Variants in ABCB5 observed in about 807,000 individuals in gnomAD.
ABCB5 encodes the protein ATP-binding cassette sub-family B member 5.
ABCB5 carries 155 observed loss-of-function variants against 144.2 expected under a neutral mutation model. That is an observed-to-expected ratio of 1.08 (90% CI 0.94 to 1.23). The LOEUF (loss-of-function observed/expected upper bound fraction) is 1.23, where lower values mean the gene tolerates loss of function less well. Ranked by LOEUF, ABCB5 falls within the 50% of genes most tolerant of loss-of-function variation. ABCB5 has a pLI of 0.00. For missense variants in ABCB5, 1,830 were observed against 1,520.8 expected, an observed-to-expected ratio of 1.20 and a Z score of -3.38; for synonymous variants, 610 against 528.6, an observed-to-expected ratio of 1.15 and a Z score of -2.11.
At chr7:20,752,843 C>A (rs1377848892) in intron 26 of ABCB5, among the ~76,000 whole-genome samples, 1 of 151,990 alleles carries the variant, frequency 6.6e-6, no homozygotes, top group Non-Finnish European at 1.5e-5. Flanking sequence ...GAGACACGGT[C>A]TCAAAAAAAC....
rs1434999011 is a variant in ABCB5, at chr7:20,643,295, G to GT, written c.432dup (p.His145SerfsTer12). 3 of 1,613,836 alleles carry GT rather than the reference G, an allele frequency of 1.9e-6. No individual in the cohort carries two copies. In the African/African-American group the frequency reaches 4.0e-5, roughly 22 times the overall value. ...GACAGACCAAGAGGATTCGAAAACA[G>GT]TTTTTTCATTCAGTTTTGGCACAGG... On this transcript the variant is annotated frameshift_variant, in exon 6 of 28. Transcript: ENST00000404938. LOFTEE classifies it high-confidence loss of function.
At chr7:20,703,846 G>C (rs12700231) in intron 19 of ABCB5, among the ~76,000 whole-genome samples, 133,301 of 152,092 alleles carry the variant, frequency 0.88, 58,532 homozygotes, top group African/African-American at 0.92. Context: ...TAATTTTGAC[G>C]TGACTCCTTC....
At chr7:20,742,087 G>A (rs1037036653) in intron 24 of ABCB5, among the ~76,000 whole-genome samples, 4 of 152,168 alleles carry the variant, frequency 2.6e-5, no homozygotes, top group Non-Finnish European at 5.9e-5. Context: ...TGAAAATAAA[G>A]ATAGGGCTGG....
At chr7:20,725,124 C>T (rs1323900166) in intron 21 of ABCB5, among the ~76,000 whole-genome samples, 3 of 152,162 alleles carry the variant, frequency 2.0e-5, no homozygotes, top group Non-Finnish European at 4.4e-5. Flanking sequence ...TCAGACTATA[C>T]AACAAACAAC....
chr7:20,747,414 T>C (rs961465105), intron 26 of ABCB5, among the ~76,000 whole-genome samples: 1 of 152,176 alleles, frequency 6.6e-6, no homozygotes, highest in Non-Finnish European at 1.5e-5. Context: ...CATGCCACCA[T>C]GCCTGGCTAA....
At chr7:20,707,054 G>T (rs1786849256) in intron 20 of ABCB5, among the ~76,000 whole-genome samples, 1 of 152,104 alleles carries the variant, frequency 6.6e-6, no homozygotes, top group African/African-American at 2.4e-5. Flanking sequence ...TCCTCACAAG[G>T]ACACTGTAGC....
At chr7:20,642,320 G>T (rs1031710206) in intron 5 of ABCB5, among the ~76,000 whole-genome samples, 54 of 152,172 alleles carry the variant, frequency 3.5e-4, no homozygotes, top group African/African-American at 1.2e-3. Context: ...TCTCCTGGGA[G>T]AAATATTTTT....
chr7:20,732,501 G>A (rs1186170558), intron 23 of ABCB5, among the ~76,000 whole-genome samples: 2 of 152,158 alleles, frequency 1.3e-5, no homozygotes, highest in Non-Finnish European at 2.9e-5. Context: ...GCACATAACA[G>A]ACACACAATA....
In ABCB5 at chr7:20,643,560, G is replaced by C. The variant is rs757604214; in HGVS notation, c.606G>C (p.Lys202Asn). Residue 202 changes from lysine to asparagine, a missense_variant, in exon 7 of 28, where the codon AAG becomes AAC. Transcript: ENST00000404938. ...FSIGLAVGLV[K>N]GWKLTLVTLS... ...TTGGCCTGGCAGTTGGTTTGGTGAA[G>C]GGCTGGAAACTCACCCTAGTGACTC... The C allele has an allele frequency of 9.3e-6, 15 of 1,613,854 alleles. No individual in the cohort carries two copies. Among genetic ancestry groups the C allele is most frequent in the Non-Finnish European group, 1.7e-6 (2 of 1,179,896 alleles).
intron 4 of ABCB5, among the ~76,000 whole-genome samples, chr7:20,631,364 T>C (rs539355045): frequency 1.1e-4 from 17 of 152,254 alleles, no homozygotes; most frequent in African/African-American, 2.9e-4. Flanking sequence ...CATTGTAATA[T>C]GTGATGATGT....
intron 14 of ABCB5, among the ~76,000 whole-genome samples, chr7:20,662,207 G>C (rs1330961689): frequency 6.6e-6 from 1 of 151,314 alleles, no homozygotes; most frequent in Non-Finnish European, 1.5e-5. Context: ...TAATTATGAA[G>C]GAAGAGTTAT....
Position 20,628,713 on chromosome 7 carries a change from T to A in ABCB5, c.134T>A (p.Ile45Asn), listed in dbSNP as rs371078128. 253 of 1,613,306 alleles carry A rather than the reference T, an allele frequency of 1.6e-4. No homozygotes were observed. The highest frequency in any genetic ancestry group is 3.8e-4 in the Admixed American group (23 of 59,870). Residue 45 changes from isoleucine (I) to asparagine (N), a missense_variant, in exon 4 of 28, where the codon ATC becomes AAC. Ile to Asn is a moderately radical substitution (Grantham distance 149). Transcript: ENST00000404938. ...EIFRFADGLD[I>N]TLMILGILAS... ...TTCCGCTTTGCTGATGGACTGGACATCACACTCATGATCCTGGGTATACTG... is the reference window on the plus strand; with the variant it reads ...TTCCGCTTTGCTGATGGACTGGACAACACACTCATGATCCTGGGTATACTG...
intron 4 of ABCB5, among the ~76,000 whole-genome samples, chr7:20,631,793 T>C (rs1426572991): frequency 6.6e-6 from 1 of 152,198 alleles, no homozygotes; most frequent in Admixed American, 6.6e-5. Flanking sequence ...TGATCAGAGA[T>C]GTCCCAAATA....
intron 19 of ABCB5, among the ~76,000 whole-genome samples, chr7:20,701,650 T>A (rs1583435673): frequency 1.3e-5 from 2 of 152,350 alleles, no homozygotes; most frequent in Non-Finnish European, 2.9e-5. Flanking sequence ...GTAACATTTT[T>A]AGATACAGTA....
intron 25 of ABCB5, among the ~76,000 whole-genome samples, chr7:20,744,089 G>A (rs2128055683): frequency 6.6e-6 from 1 of 152,198 alleles, no homozygotes; most frequent in South Asian, 2.1e-4. Context: ...TTTTGAGACA[G>A]AGTCTTGCTC....
At chr7:20,721,576 C>T (rs1466288873) in intron 20 of ABCB5, among the ~76,000 whole-genome samples, 1 of 152,096 alleles carries the variant, frequency 6.6e-6, no homozygotes, top group Non-Finnish European at 1.5e-5. Context: ...TGTTGGTTTC[C>T]TTTCCATAGC....
intron 21 of ABCB5, among the ~76,000 whole-genome samples, chr7:20,725,882 C>T (rs4721938): frequency 0.45 from 67,994 of 151,972 alleles, 17,010 homozygotes; most frequent in East Asian, 0.73. Context: ...AAACAACCAA[C>T]ATCAAAATTG....
At chr7:20,656,144 T>C (rs1430297296) in intron 13 of ABCB5, among the ~76,000 whole-genome samples, 1 of 152,206 alleles carries the variant, frequency 6.6e-6, no homozygotes, top group East Asian at 1.9e-4. Flanking sequence ...TAATTTGCCA[T>C]AGACCTTGTA....
At chr7:20,694,719 C>T (rs1019655060) in intron 16 of ABCB5, among the ~76,000 whole-genome samples, 4 of 151,936 alleles carry the variant, frequency 2.6e-5, no homozygotes, top group African/African-American at 4.8e-5. Context: ...CACACATACA[C>T]GTACTAAAAC....
Sources: allele counts gnomAD v4.1 joint callset (sites outside exome capture counted in the v4.1 genomes callset), GRCh38; gene constraint gnomAD v4.1.1; transcripts MANE v1.5; gene names NCBI Gene and HGNC (gene_info 2026-07-23, HGNC 2026-07-21).